FMN1: variants seen among roughly 807,000 people sequenced by gnomAD.
FMN1 encodes formin 1.
A neutral mutation model predicts 132.4 loss-of-function variants in FMN1; 110 were observed. The observed-to-expected ratio is 0.83, with a 90% CI of 0.71 to 0.97. The LOEUF is 0.97. Ranked by LOEUF, FMN1 falls within the 50% of genes least tolerant of loss-of-function variation. The pLI, the probability that FMN1 is intolerant of heterozygous loss-of-function variation, is 0.00. For synonymous variants in FMN1, 722 were observed against 651.7 expected (o/e 1.11, Z -1.64); for missense variants, 1,792 against 1,705.3 (o/e 1.05, Z -0.90).
At chr15:33,041,789 A>G (rs908653693) in intron 6 of FMN1, among the ~76,000 whole-genome samples, 1 of 152,142 alleles carries the variant, frequency 6.6e-6, no homozygotes, top group Non-Finnish European at 1.5e-5. Context: ...TGGAAGTGGC[A>G]GTTGTTTAAT....
rs201622952 is a variant in FMN1 at position 32,926,271 on chromosome 15, GA to G, written c.3139-11del. 0.16 allele frequency: 141,430 copies of G among 905,886 alleles called. 232 individuals carry two copies. Among genetic ancestry groups the G allele is most frequent in the East Asian group, 0.26 (7,915 of 30,242 alleles). 56.1% of individuals were successfully genotyped at this position (905,886 alleles called of 1,614,324 possible). A position where few individuals can be genotyped will look rare whatever the true frequency, so the allele number is the denominator to read the frequency against. The stretch of plus-strand genomic sequence containing the variant: ...CCAACAATTTGATGATCTAAAATTA[GA>G]AAAAAAAAAAAAAGAATACAAGCTC... On this transcript the variant is annotated splice_polypyrimidine_tract_variant and intron_variant, in intron 9 of 20. Coordinates refer to ENST00000616417, the MANE Select transcript of FMN1 (RefSeq NM_001277313.2).
intron 9 of FMN1, among the ~76,000 whole-genome samples, chr15:32,938,496 G>A (rs181366946): frequency 3.4e-4 from 51 of 152,104 alleles, no homozygotes; most frequent in African/African-American, 1.1e-3. Flanking sequence ...GCCACTGCTC[G>A]CCAGCCTGGG....
chr15:32,981,086 C>A (rs559572293), intron 7 of FMN1, among the ~76,000 whole-genome samples: 33 of 152,292 alleles, frequency 2.2e-4, no homozygotes, highest in South Asian at 6.2e-4. Flanking sequence ...CAATTCTATT[C>A]AAACCCTGGG....
At chr15:32,789,481 C>G (rs1212692086) in intron 19 of FMN1, among the ~76,000 whole-genome samples, 1 of 152,160 alleles carries the variant, frequency 6.6e-6, no homozygotes, top group East Asian at 1.9e-4. Context: ...TGCATAATGA[C>G]ATTTCGGTCA....
At chr15:32,901,469 G>A (rs2060295269) in intron 13 of FMN1, among the ~76,000 whole-genome samples, 1 of 152,160 alleles carries the variant, frequency 6.6e-6, no homozygotes, top group Non-Finnish European at 1.5e-5. Context: ...CTTTGCCAAT[G>A]ACTCACTGTC....
chr15:32,798,392 CAG>C (rs145808086), intron 19 of FMN1, among the ~76,000 whole-genome samples: 6,605 of 152,224 alleles, frequency 0.043, 498 homozygotes, highest in African/African-American at 0.15. Context: ...GCCTGAGTCA[CAG>C]AGATTTTCCT....
At chr15:32,978,131 G>A (rs996453186) in intron 7 of FMN1, among the ~76,000 whole-genome samples, 1 of 152,160 alleles carries the variant, frequency 6.6e-6, no homozygotes, top group African/African-American at 2.4e-5. Flanking sequence ...TGGGATTACA[G>A]GTGTGAGTCA....
At chr15:32,920,554 C>T (rs1353684820) in intron 10 of FMN1, among the ~76,000 whole-genome samples, 3 of 152,132 alleles carry the variant, frequency 2.0e-5, no homozygotes, top group African/African-American at 7.2e-5. Flanking sequence ...CTAACCTAGC[C>T]CTATCCGCTT....
chr15:32,842,592 T>C (rs1006834481), intron 17 of FMN1, among the ~76,000 whole-genome samples: 3 of 144,934 alleles, frequency 2.1e-5, no homozygotes, highest in African/African-American at 7.6e-5. Flanking sequence ...ATTGTATTCA[T>C]AACATGCAGC....
At chr15:33,118,651 CTCA>C in intron 4 of FMN1, among the ~76,000 whole-genome samples, 1 of 152,072 alleles carries the variant, frequency 6.6e-6, no homozygotes, top group East Asian at 1.9e-4. Flanking sequence ...CCTAATAATG[CTCA>C]TATTAAATAT....
intron 8 of FMN1, 148 bp from the exon 9 acceptor site, chr15:32,964,405 G>C (rs917726366): frequency 3.3e-6 from 2 of 598,970 alleles, no homozygotes; most frequent in Non-Finnish European, 5.7e-6. Context: ...AGCTTTTTAT[G>C]TTACGCATTT....
At chr15:32,848,419 TTGAC>T (rs367848788) in intron 17 of FMN1, among the ~76,000 whole-genome samples, 1 of 152,310 alleles carries the variant, frequency 6.6e-6, no homozygotes, top group African/African-American at 2.4e-5. Flanking sequence ...CATTTTCTCA[TTGAC>T]TGGGAGGCTT....
chr15:32,920,103 A>T (rs1351856369), intron 10 of FMN1, among the ~76,000 whole-genome samples: 5 of 152,200 alleles, frequency 3.3e-5, no homozygotes, highest in South Asian at 2.1e-4. Context: ...GAATGCCAGG[A>T]GGTTTCTGGC....
rs1007690996 is a variant in FMN1, at chr15:32,768,597, T to C, written c.*5713A>G. The C allele has an allele frequency of 2.0e-5, 3 of 152,146 alleles. No homozygotes were observed. The highest frequency in any genetic ancestry group is 4.8e-5 in the African/African-American group (2 of 41,422). The allele number at this position is 152,146 out of a possible 1,614,324, so 9.4% of individuals were successfully genotyped here. ...AGCCTATGTGAGAGCTATAGTGTGG[T>C]AGAGGTTGTTTAATCCATGCCAAAT... On this transcript the variant is annotated 3_prime_UTR_variant, in exon 21 of 21. Transcript: ENST00000616417.
chr15:32,791,455 TTCATGAGCAATGGAAAACCACAG>T (rs2057075599), intron 19 of FMN1, among the ~76,000 whole-genome samples: 1 of 152,168 alleles, frequency 6.6e-6, no homozygotes, highest in Non-Finnish European at 1.5e-5. Context: ...TTTCCTTTAT[TTCATGAGCAATGGAAAACCACAG>T]AATATGTTTA....
chr15:32,767,967 T>A lies in FMN1; in HGVS notation c.*6343A>T, dbSNP rs1207832262. The A allele has an allele frequency of 6.6e-6, 1 of 152,318 alleles. No homozygotes were observed. The highest frequency in any genetic ancestry group is 1.9e-4 in the East Asian group (1 of 5,188). The allele number at this position is 152,318 out of a possible 1,614,324, so 9.4% of individuals were successfully genotyped here. The stretch of plus-strand genomic sequence containing the variant: ...TGGTCCAATGTATGAAGAAATAAGA[T>A]TTTATCTAGAGACAAGTTAGCATGA... On this transcript the variant is annotated 3_prime_UTR_variant, in exon 21 of 21. Transcript: ENST00000616417.
intron 19 of FMN1, among the ~76,000 whole-genome samples, chr15:32,789,096 T>A (rs1489305286): frequency 6.6e-6 from 1 of 152,206 alleles, no homozygotes; most frequent in Admixed American, 6.5e-5. Flanking sequence ...CAATGATTAT[T>A]TATTTGTTCA....
At chr15:33,150,608 A>T in intron 4 of FMN1, 1 of 985,462 alleles carries the variant, frequency 1.0e-6, no homozygotes, top group Non-Finnish European at 1.2e-6. Flanking sequence ...TTAGTCTTGT[A>T]ACAAGGATAA....
rs932779265 is a variant in FMN1 at position 32,912,316 on chromosome 15, A to G, written c.3227-1781T>C. On this transcript the variant is annotated intron_variant, in intron 10 of 20. Transcript: ENST00000616417. ...TTCCAGTGTGTTCAGTAGCAGAAAA[A>G]TAACACCCAGAGAGGTTGGGACTGA... Among the ~76,000 whole-genome samples the G allele has an allele frequency of 4.6e-5, 7 of 152,310 alleles. No individual in the cohort carries two copies. The South Asian group carries it at 1.4e-3, about 32-fold the overall frequency.
Sources: allele counts gnomAD v4.1 joint callset (sites outside exome capture counted in the v4.1 genomes callset), GRCh38; gene constraint gnomAD v4.1.1; transcripts MANE v1.5; gene names NCBI Gene and HGNC (gene_info 2026-07-23, HGNC 2026-07-21).